The following SPSB1 variants were observed in gnomAD, a reference collection of about 807,000 sequenced individuals.
SPSB1 encodes the protein splA/ryanodine receptor domain and SOCS box containing 1, also known as SPRY domain-containing SOCS box protein 1.
Under a neutral mutation model 21.2 loss-of-function variants are expected in SPSB1, and 8 were observed. That is an observed-to-expected ratio of 0.38 (90% CI 0.22 to 0.68). SPSB1 has a LOEUF of 0.68. Ranked by LOEUF, SPSB1 falls within the 30% of genes least tolerant of loss-of-function variation. The pLI is 0.53. For missense variants in SPSB1, 242 were observed against 377.8 expected (o/e 0.64, Z 2.98); for synonymous variants, 169 against 161.7 (o/e 1.05, Z -0.34).
At chr1:9,338,436 T>C (rs947021967) in intron 1 of SPSB1, among the ~76,000 whole-genome samples, 1 of 152,160 alleles carries the variant, frequency 6.6e-6, no homozygotes, top group African/African-American at 2.4e-5. Context: ...ACAGCACTTG[T>C]GGGGGTCAGT....
At chr1:9,294,193 T>A (rs2100454027) in intron 1 of SPSB1, among the ~76,000 whole-genome samples, 1 of 152,220 alleles carries the variant, frequency 6.6e-6, no homozygotes, top group Admixed American at 6.5e-5. Flanking sequence ...CAAATGTGTG[T>A]CTCTGTGTCT....
rs768165627 is a variant in SPSB1, at chr1:9,367,536, G to A, written c.783G>A (p.Pro261=). The change falls in exon 3 of 3, where the codon CCG becomes CCA. Residue 261 remains proline, a synonymous_variant. Coordinates refer to ENST00000328089, the MANE Select transcript of SPSB1 (RefSeq NM_025106.4). The surrounding 1 kb of genome is among the most constrained non-coding windows in gnomAD (Gnocchi z 5.9). Reference sequence around the variant, plus strand: ...GCCTGGGGGAGATCCACACGCTGCCGCTGCCGGCTTCCCTCAAGGCCTACC... The same window carrying A: ...GCCTGGGGGAGATCCACACGCTGCCACTGCCGGCTTCCCTCAAGGCCTACC... ...RERLGEIHTL[P]LPASLKAYLL... is the part of the protein sequence containing the mutation. 8.7e-6 allele frequency: 14 copies of A among 1,612,606 alleles called. No individual in the cohort carries two copies. The highest frequency in any genetic ancestry group is 1.7e-4 in the Middle Eastern group (1 of 6,006).
intron 1 of SPSB1, among the ~76,000 whole-genome samples, chr1:9,350,234 C>T (rs773811972): frequency 7.2e-5 from 11 of 152,232 alleles, no homozygotes; most frequent in Non-Finnish European, 1.6e-4. Context: ...AGACATTGGA[C>T]CCCTGCGTGT....
Position 9,305,392 on chromosome 1 carries a change from G to T in SPSB1, c.-150+12321G>T, listed in dbSNP as rs1639394464. 6.6e-6 allele frequency among the ~76,000 whole-genome samples: 1 copy of T among 152,226 alleles called. No individual in the cohort carries two copies. Among genetic ancestry groups the T allele is most frequent in the South Asian group, 2.1e-4 (1 of 4,834 alleles). ...CATGCCAGGGACAGCTGCTGTTGTG[G>T]GCAGCCCAGTGACCTGTGGGCTCCA... On this transcript the variant is annotated intron_variant, in intron 1 of 2. Coordinates refer to ENST00000328089, the MANE Select transcript of SPSB1 (RefSeq NM_025106.4). The surrounding 1 kb of genome is among the most constrained non-coding windows in gnomAD (Gnocchi z 4.8).
In SPSB1 at chr1:9,305,351, C is replaced by T. The variant is rs557521970; in HGVS notation, c.-150+12280C>T. On this transcript the variant is annotated intron_variant, in intron 1 of 2. Transcript: ENST00000328089. The surrounding 1 kb of genome is among the most constrained non-coding windows in gnomAD (Gnocchi z 4.8). Reference sequence around the variant, plus strand: ...TCCACGGTCCACCCTGTCACCCAGACACATGCACCCTCAGCCATGCCAGGG... The same window carrying T: ...TCCACGGTCCACCCTGTCACCCAGATACATGCACCCTCAGCCATGCCAGGG... 1.1e-4 allele frequency among the ~76,000 whole-genome samples: 17 copies of T among 152,380 alleles called. No homozygotes were observed. Among genetic ancestry groups the T allele is most frequent in the African/African-American group, 3.4e-4 (14 of 41,600 alleles).
At chr1:9,331,328 T>TG (rs1193303882) in intron 1 of SPSB1, among the ~76,000 whole-genome samples, 2 of 139,034 alleles carry the variant, frequency 1.4e-5, no homozygotes, top group Non-Finnish European at 3.1e-5. Context: ...CTTGTTTTTT[T>TG]TTTTTTTTTT....
intron 1 of SPSB1, among the ~76,000 whole-genome samples, chr1:9,352,984 A>G (rs1353140402): frequency 1.3e-5 from 2 of 152,040 alleles, no homozygotes; most frequent in African/African-American, 4.8e-5. Context: ...GCTACGCTGC[A>G]GGAAGCGTGA....
At chr1:9,334,037 C>T (rs1639966271) in intron 1 of SPSB1, among the ~76,000 whole-genome samples, 1 of 152,098 alleles carries the variant, frequency 6.6e-6, no homozygotes, top group African/African-American at 2.4e-5. Flanking sequence ...TTATATAAAC[C>T]AAAGCATTTT....
chr1:9,339,184 C>A, intron 1 of SPSB1: 1 of 983,134 alleles, frequency 1.0e-6, no homozygotes, highest in Non-Finnish European at 1.2e-6. Flanking sequence ...ATTCTCCCCC[C>A]AGCGGTGAGG....
chr1:9,349,302 A>G (rs1640213260), intron 1 of SPSB1, among the ~76,000 whole-genome samples: 1 of 152,184 alleles, frequency 6.6e-6, no homozygotes, highest in Admixed American at 6.5e-5. Flanking sequence ...TGCATGAGAC[A>G]GACGCTCCCG....
At chr1:9,362,162 C>T (rs1247726014) in intron 2 of SPSB1, among the ~76,000 whole-genome samples, 6 of 151,914 alleles carry the variant, frequency 3.9e-5, no homozygotes, top group African/African-American at 1.2e-4. Flanking sequence ...ACTGATACAC[C>T]GCCACCAGGG....
chr1:9,299,008 G>A lies in SPSB1; in HGVS notation c.-150+5937G>A, dbSNP rs187239953. Among the ~76,000 whole-genome samples, 655 of 152,314 alleles carry A rather than the reference G, an allele frequency of 4.3e-3. 7 individuals are homozygous for A. Among genetic ancestry groups the A allele is most frequent in the African/African-American group, 0.014 (596 of 41,552 alleles). ...CCACCATCAAGGACTTGGAGGAGGCGGGGGTGGTGACCCCCACCACATCCC... is the reference window on the plus strand; with the variant it reads ...CCACCATCAAGGACTTGGAGGAGGCAGGGGTGGTGACCCCCACCACATCCC... On this transcript the variant is annotated intron_variant, in intron 1 of 2. Transcript: ENST00000328089.
intron 1 of SPSB1, chr1:9,351,538 C>G (rs1640258621): frequency 6.7e-6 from 1 of 149,798 alleles, no homozygotes; most frequent in Non-Finnish European, 1.5e-5. Context: ...GAGCTACTGT[C>G]TCGGCGCATG....
intron 1 of SPSB1, among the ~76,000 whole-genome samples, chr1:9,299,628 C>A (rs1294036): frequency 6.6e-6 from 1 of 151,834 alleles, no homozygotes; most frequent in South Asian, 2.1e-4. Flanking sequence ...TACAGGCATG[C>A]GCCACCACAC....
Position 9,321,914 on chromosome 1 carries a change from G to A in SPSB1, c.-150+28843G>A, listed in dbSNP as rs1010005001. Among the ~76,000 whole-genome samples, 3 of 152,178 alleles carry A rather than the reference G, an allele frequency of 2.0e-5. 1 individual carries two copies. The highest frequency in any genetic ancestry group is 7.2e-5 in the African/African-American group (3 of 41,432). On this transcript the variant is annotated intron_variant, in intron 1 of 2. Coordinates refer to ENST00000328089, the MANE Select transcript of SPSB1 (RefSeq NM_025106.4). The surrounding 1 kb of genome is among the most constrained non-coding windows in gnomAD (Gnocchi z 4.8). ...AGCAGCAAGATTAATACCCGTAGGTGCCATTGACGAGTGATCCTGCTCTGG... is the reference window on the plus strand; with the variant it reads ...AGCAGCAAGATTAATACCCGTAGGTACCATTGACGAGTGATCCTGCTCTGG...
chr1:9,296,888 G>A (rs995623593), intron 1 of SPSB1, among the ~76,000 whole-genome samples: 8 of 152,214 alleles, frequency 5.3e-5, no homozygotes, highest in African/African-American at 1.9e-4. Flanking sequence ...CCTTTGGGAA[G>A]CTGCCTGTTT....
At chr1:9,364,901 G>A (rs766943922) in intron 2 of SPSB1, among the ~76,000 whole-genome samples, 15 of 152,136 alleles carry the variant, frequency 9.9e-5, no homozygotes, top group Non-Finnish European at 2.1e-4. Context: ...CCCCAGGCTG[G>A]AGTGCGATGG....
chr1:9,308,742 T>A (rs1045109517), intron 1 of SPSB1, among the ~76,000 whole-genome samples: 30 of 152,158 alleles, frequency 2.0e-4, no homozygotes, highest in Admixed American at 1.6e-3. Context: ...ACTTTTTTTT[T>A]AGAGAGGTTT....
chr1:9,364,861 GT>G (rs1333853856), intron 2 of SPSB1, among the ~76,000 whole-genome samples: 2 of 151,724 alleles, frequency 1.3e-5, no homozygotes, highest in Non-Finnish European at 2.9e-5. Flanking sequence ...GTTGTTGTTG[GT>G]TTTTCTGAGA....
Sources: gnomAD v4.1 joint callset for allele counts (sites outside exome capture counted in the v4.1 genomes callset) on GRCh38, gnomAD v4.1.1 for gene constraint, Gnocchi (gnomAD v3.1) non-coding constraint, MANE v1.5 for transcripts, NCBI Gene and HGNC (gene_info 2026-07-23, HGNC 2026-07-21) for gene names.